The following RNF123 variants were observed in gnomAD, a reference collection of about 807,000 sequenced individuals.
The protein encoded by RNF123 is E3 ubiquitin-protein ligase RNF123.
A neutral mutation model predicts 168.5 loss-of-function variants in RNF123; 86 were observed. That is an observed-to-expected ratio of 0.51 (90% CI 0.43 to 0.61). RNF123 has a LOEUF of 0.61. Ranked by LOEUF, RNF123 falls within the 20% of genes least tolerant of loss-of-function variation. RNF123 has a pLI of 0.00. For missense variants in RNF123, 1,419 were observed against 1,729.7 expected, an observed-to-expected ratio of 0.82 and a Z score of 3.19; for synonymous variants, 666 against 689.1, an observed-to-expected ratio of 0.97 and a Z score of 0.52.
intron 20 of RNF123, among the ~76,000 whole-genome samples, 164 bp from the exon 21 acceptor site, chr3:49,703,263 G>A (rs562703999): frequency 6.6e-6 from 1 of 152,270 alleles, no homozygotes; most frequent in South Asian, 2.1e-4. Context: ...GGTAGGGGAG[G>A]TCTGTTTCTT....
intron 13 of RNF123, 44 bp from the exon 14 acceptor site, chr3:49,700,428 G>A: frequency 4.3e-6 from 7 of 1,611,858 alleles, no homozygotes; most frequent in African/African-American, 1.3e-5. Context: ...GGAGAATCTT[G>A]GAAAAGGCCC....
At chr3:49,700,158 G>A in intron 12 of RNF123, 69 bp from the exon 13 acceptor site, 1 of 1,596,766 alleles carries the variant, frequency 6.3e-7, no homozygotes, top group Non-Finnish European at 8.5e-7. Context: ...CCTTGGCCAT[G>A]TGCCAGGGCA....
chr3:49,721,151 T>TG, intron 38 of RNF123, 34 bp from the exon 39 acceptor site: 1 of 1,614,088 alleles, frequency 6.2e-7, no homozygotes, highest in East Asian at 2.2e-5. Flanking sequence ...AGTAGGTACA[T>TG]GCAGGGCAGT....
chr3:49,699,379 G>T lies in RNF123; in HGVS notation c.765-89G>T. On this transcript the variant is annotated intron_variant, in intron 10 of 38. Coordinates refer to ENST00000327697, the MANE Select transcript of RNF123 (RefSeq NM_022064.5). This position sits in a 1 kb window ranked among gnomAD's most constrained non-coding sequence, Gnocchi z 4.8. ...TGATGCAAACCAGCCCTGCCCTAGAGCCCAGGCCCCGGGGTGGGGGGTGGG... is the reference window on the plus strand; with the variant it reads ...TGATGCAAACCAGCCCTGCCCTAGATCCCAGGCCCCGGGGTGGGGGGTGGG... The T allele has an allele frequency of 8.1e-7, 1 of 1,227,306 alleles. No homozygotes were observed. The highest frequency in any genetic ancestry group is 1.2e-6 in the Non-Finnish European group (1 of 863,654). 76.0% of individuals were successfully genotyped at this position (1,227,306 alleles called of 1,614,324 possible). A position where few individuals can be genotyped will look rare whatever the true frequency, so the allele number is the denominator to read the frequency against.
rs1388822969 is a variant in RNF123, at chr3:49,697,455, G to A, written c.340G>A (p.Gly114Arg). Residue 114 changes from glycine (G) to arginine (R), a missense_variant and splice_region_variant, in exon 5 of 39, where the codon GGG becomes AGG. By Grantham distance (125) the Gly-to-Arg change is moderately radical. Coordinates refer to ENST00000327697, the MANE Select transcript of RNF123 (RefSeq NM_022064.5). The part of the protein sequence containing the change: ...GLLLVDDDLL[G>R]VIGHSNFGTI... ...TCTCCTGGTGGATGATGACCTGCTG[G>A]GGGTGAGTGAGGGTGAGGTGTGGAG... 1.2e-6 allele frequency: 2 copies of A among 1,601,790 alleles called. No homozygotes were observed. Among genetic ancestry groups the A allele is most frequent in the Non-Finnish European group, 1.7e-6 (2 of 1,173,802 alleles).
intron 28 of RNF123, 58 bp downstream of exon 28, chr3:49,713,645 GCTTT>G (rs2080185565): frequency 1.9e-6 from 3 of 1,580,266 alleles, no homozygotes; most frequent in East Asian, 2.3e-5. Context: ...CCTCTGGTCG[GCTTT>G]CTTCTATGAA....
chr3:49,704,928 G>A lies in RNF123; in HGVS notation c.1960-56G>A, dbSNP rs560775567. The A allele has an allele frequency of 2.1e-5, 32 of 1,521,444 alleles. No individual in the cohort carries two copies. In the African/African-American group the frequency reaches 3.4e-4, roughly 16 times the overall value. 94.2% of individuals were successfully genotyped at this position (1,521,444 alleles called of 1,614,324 possible). ...CCCTCCCTCACAATTCTGCAGCCCC[G>A]TGGGCCAAGGGAACCCTGAGCCAGC... On this transcript the variant is annotated intron_variant, in intron 22 of 38. Coordinates refer to ENST00000327697, the MANE Select transcript of RNF123 (RefSeq NM_022064.5).
chr3:49,717,519 A>C (rs1575542076), intron 35 of RNF123: 1 of 198,690 alleles, frequency 5.0e-6, no homozygotes, highest in Non-Finnish European at 1.0e-5. Context: ...GCTCTTGAGC[A>C]CCACTCCTCG....
At chr3:49,710,439 C>A (rs2080122345) in intron 26 of RNF123, among the ~76,000 whole-genome samples, 1 of 152,036 alleles carries the variant, frequency 6.6e-6, no homozygotes, top group Non-Finnish European at 1.5e-5. Flanking sequence ...GCCACCACGC[C>A]CGGCTAATTT....
At chr3:49,718,667 T>G in intron 35 of RNF123, 1 of 1,613,004 alleles carries the variant, frequency 6.2e-7, no homozygotes, top group African/African-American at 1.3e-5. Context: ...AAGACGCGGC[T>G]GTGCTGGAAG....
At chr3:49,714,055 C>A in intron 30 of RNF123, 35 bp from the exon 31 acceptor site, 8 of 1,613,670 alleles carry the variant, frequency 5.0e-6, no homozygotes, top group Non-Finnish European at 6.8e-6. Flanking sequence ...GGTGCGCTGT[C>A]CCATTGACCT....
intron 35 of RNF123, chr3:49,718,084 C>T: frequency 6.2e-7 from 1 of 1,613,582 alleles, no homozygotes; most frequent in South Asian, 1.1e-5. Flanking sequence ...GAGGCCCCTC[C>T]GGCCTGGCTC....
At chr3:49,703,752 A>T (rs2054456892) in intron 21 of RNF123, among the ~76,000 whole-genome samples, 1 of 152,112 alleles carries the variant, frequency 6.6e-6, no homozygotes, top group African/African-American at 2.4e-5. Context: ...CTGGCAGGGG[A>T]CCAGGGATCT....
intron 35 of RNF123, chr3:49,718,549 G>A (rs1422707792): frequency 1.9e-6 from 3 of 1,613,200 alleles, no homozygotes; most frequent in African/African-American, 1.3e-5. Flanking sequence ...AATGCGCATG[G>A]CCGGGACGCT....
At chr3:49,694,667 T>G (rs1416420084) in intron 3 of RNF123, among the ~76,000 whole-genome samples, 2 of 152,222 alleles carry the variant, frequency 1.3e-5, no homozygotes, top group African/African-American at 4.8e-5. Flanking sequence ...TGTTCTGTCT[T>G]TTACGACTTC....
chr3:49,693,762 C>T (rs2054215319), intron 3 of RNF123, among the ~76,000 whole-genome samples: 1 of 152,194 alleles, frequency 6.6e-6, no homozygotes, highest in Non-Finnish European at 1.5e-5. Flanking sequence ...ACCTCGCCAG[C>T]ATTTGTTATT....
chr3:49,702,874 C>T, intron 20 of RNF123, 121 bp downstream of exon 20: 1 of 1,470,970 alleles, frequency 6.8e-7, no homozygotes, highest in South Asian at 1.2e-5. Context: ...TCCCCGGCAT[C>T]CTGCCTGGTT....
At chr3:49,710,522 C>T (rs765520729) in intron 26 of RNF123, among the ~76,000 whole-genome samples, 11 of 152,136 alleles carry the variant, frequency 7.2e-5, no homozygotes, top group Non-Finnish European at 1.5e-4. Flanking sequence ...TTAGGTGATC[C>T]GCCTGCCTCG....
rs1428090602 is a variant in RNF123, at chr3:49,697,955, G to C, written c.397+16G>C. The stretch of plus-strand genomic sequence containing the variant: ...GTGTACAAAGGTGAGACCTTACCCT[G>C]CTGTGGCCTAGGTAGTGAGGAGAAA... On this transcript the variant is annotated intron_variant, in intron 6 of 38. Coordinates refer to ENST00000327697, the MANE Select transcript of RNF123 (RefSeq NM_022064.5). 1 of 1,614,160 alleles carries C rather than the reference G, an allele frequency of 6.2e-7. No individual in the cohort carries two copies. The highest frequency in any genetic ancestry group is 8.5e-7 in the Non-Finnish European group (1 of 1,180,000).
Sources: allele counts gnomAD v4.1 joint callset (sites outside exome capture counted in the v4.1 genomes callset), GRCh38; gene constraint gnomAD v4.1.1; non-coding constraint Gnocchi (gnomAD v3.1); transcripts MANE v1.5; gene names NCBI Gene and HGNC (gene_info 2026-07-23, HGNC 2026-07-21).